RAB40C: variants seen among roughly 807,000 people sequenced by gnomAD.
RAB40C encodes the protein RAB40C, member RAS oncogene family, also known as ras-related protein Rab-40C.
RAB40C carries 8 observed loss-of-function variants against 28.1 expected under a neutral mutation model. The ratio of observed to expected loss-of-function variants is 0.28; its 90% CI spans 0.17 to 0.51. The LOEUF (loss-of-function observed/expected upper bound fraction) is 0.51, where lower values mean the gene tolerates loss of function less well. RAB40C is among the 20% of genes least tolerant of loss of function. The probability of loss-of-function intolerance (pLI) is 0.97; values close to 1 mark genes in which losing one functional copy is unlikely to be tolerated. For synonymous variants in RAB40C, 201 were observed against 171.7 expected, an observed-to-expected ratio of 1.17 and a Z score of -1.34; for missense variants, 288 against 405.9, an observed-to-expected ratio of 0.71 and a Z score of 2.50.
intron 1 of RAB40C, among the ~76,000 whole-genome samples, chr16:597,828 C>T (rs868126391): frequency 1.4e-5 from 2 of 146,796 alleles, no homozygotes; most frequent in Non-Finnish European, 3.0e-5. Context: ...GGGCTGGGCA[C>T]GGTGGCTCAC....
At chr16:622,477 G>A (rs766357084) in intron 3 of RAB40C, among the ~76,000 whole-genome samples, 14 of 152,194 alleles carry the variant, frequency 9.2e-5, no homozygotes, top group African/African-American at 2.4e-5. Flanking sequence ...GCGAGCGCGC[G>A]TCCTGACTCA....
intron 3 of RAB40C, chr16:625,095 C>T: frequency 2.3e-6 from 3 of 1,311,418 alleles, no homozygotes; most frequent in Non-Finnish European, 3.0e-6. Flanking sequence ...GGACACTTAG[C>T]TTCCACAGCT....
intron 3 of RAB40C, among the ~76,000 whole-genome samples, chr16:621,355 GAC>G (rs1162227841): frequency 1.3e-5 from 2 of 152,376 alleles, no homozygotes; most frequent in South Asian, 2.1e-4. Flanking sequence ...CCCCTGATGA[GAC>G]ACAGACTAGC....
chr16:599,392 C>G (rs535786875), intron 1 of RAB40C, among the ~76,000 whole-genome samples: 1 of 152,362 alleles, frequency 6.6e-6, no homozygotes, highest in South Asian at 2.1e-4. Flanking sequence ...CTGAGAGGAG[C>G]CGCCAGGTCA....
At chr16:603,545 G>A (rs865857225) in intron 1 of RAB40C, among the ~76,000 whole-genome samples, 23 of 152,116 alleles carry the variant, frequency 1.5e-4, no homozygotes, top group African/African-American at 4.6e-4. Flanking sequence ...AGGGTAATCC[G>A]GTCCCCTAAT....
intron 3 of RAB40C, chr16:624,756 C>G (rs2036791705): frequency 1.0e-6 from 1 of 985,292 alleles, no homozygotes. Context: ...GGGGAATGGG[C>G]CTGTGATGTC....
intron 1 of RAB40C, among the ~76,000 whole-genome samples, chr16:601,115 G>A (rs2384975): frequency 3.9e-5 from 6 of 151,922 alleles, no homozygotes; most frequent in African/African-American, 1.5e-4. Flanking sequence ...TCAGTAAATG[G>A]GCCTGCTGCT....
chr16:600,624 A>G (rs940619462), intron 1 of RAB40C, among the ~76,000 whole-genome samples: 14 of 152,166 alleles, frequency 9.2e-5, no homozygotes, highest in African/African-American at 3.1e-4. Flanking sequence ...GGTGGCATGC[A>G]CCTGTATTCC....
At position 607,068 on chromosome 16, in the gene RAB40C, C is replaced by T. The variant is rs547393467; in HGVS notation, c.143-10140C>T. On this transcript the variant is annotated intron_variant, in intron 1 of 5. Transcript: ENST00000248139. ...TCCCACTTCCGAGCCGAGGGTGCTACGCAGGCTCAGCAGCCAGCCTCCCTC... is the reference window on the plus strand; with the variant it reads ...TCCCACTTCCGAGCCGAGGGTGCTATGCAGGCTCAGCAGCCAGCCTCCCTC... Among the ~76,000 whole-genome samples the T allele has an allele frequency of 1.6e-4, 24 of 152,332 alleles. No individual in the cohort carries two copies. The South Asian group carries it at 3.3e-3, about 21-fold the overall frequency.
At chr16:623,198 C>G (rs1030858518) in intron 3 of RAB40C, among the ~76,000 whole-genome samples, 2 of 152,246 alleles carry the variant, frequency 1.3e-5, no homozygotes, top group South Asian at 2.1e-4. Context: ...GCCTTCTGCT[C>G]TCTTTCTAGA....
chr16:615,371 G>C (rs2036565858), intron 1 of RAB40C, among the ~76,000 whole-genome samples: 1 of 152,206 alleles, frequency 6.6e-6, no homozygotes, highest in South Asian at 2.1e-4. Context: ...GATGTGCACA[G>C]ACACACACAC....
intron 4 of RAB40C, 51 bp from the exon 5 acceptor site, chr16:625,848 G>T: frequency 6.6e-7 from 1 of 1,514,688 alleles, no homozygotes; most frequent in Non-Finnish European, 9.0e-7. Flanking sequence ...CTGCGGCTGA[G>T]GGGTGGGTGG....
At chr16:614,165 G>A (rs1419229997) in intron 1 of RAB40C, among the ~76,000 whole-genome samples, 1 of 143,270 alleles carries the variant, frequency 7.0e-6, no homozygotes, top group African/African-American at 2.6e-5. Flanking sequence ...ACCGCATCCC[G>A]ATGGTGAACT....
chr16:609,770 G>A lies in RAB40C; in HGVS notation c.143-7438G>A, dbSNP rs547243538. On this transcript the variant is annotated intron_variant, in intron 1 of 5. Coordinates refer to ENST00000248139, the MANE Select transcript of RAB40C (RefSeq NM_021168.5). ...AAAAGAAAGTTGAGGACATCTCCCA[G>A]AAAATAGAACAAAAAGAGATTAAAA... Among the ~76,000 whole-genome samples the A allele has an allele frequency of 1.4e-4, 21 of 152,302 alleles. No homozygotes were observed. The Middle Eastern group carries it at 0.02, about 148-fold the overall frequency.
chr16:627,000 T>A (rs57362118), intron 5 of RAB40C, among the ~76,000 whole-genome samples: 2,126 of 152,144 alleles, frequency 0.014, 69 homozygotes, highest in African/African-American at 0.049. Context: ...GCTCCCCCGC[T>A]CTAGGGGATG....
chr16:598,105 C>G (rs902817882), intron 1 of RAB40C, among the ~76,000 whole-genome samples: 1 of 151,346 alleles, frequency 6.6e-6, no homozygotes, highest in African/African-American at 2.4e-5. Context: ...ATTGGCCAGG[C>G]ATGGTGGCTC....
At chr16:594,933 T>C (rs2036081445) in intron 1 of RAB40C, among the ~76,000 whole-genome samples, 1 of 151,776 alleles carries the variant, frequency 6.6e-6, no homozygotes, top group Non-Finnish European at 1.5e-5. Context: ...GATTCTCCTG[T>C]CTCAGCCTCC....
At chr16:591,563 A>T (rs960739783) in intron 1 of RAB40C, among the ~76,000 whole-genome samples, 1 of 150,960 alleles carries the variant, frequency 6.6e-6, no homozygotes, top group Non-Finnish European at 1.5e-5. Context: ...GTTACTGAAC[A>T]TTTGTTTTGT....
intron 1 of RAB40C, among the ~76,000 whole-genome samples, chr16:609,378 C>G (rs2036434419): frequency 6.6e-6 from 1 of 152,078 alleles, no homozygotes; most frequent in African/African-American, 2.4e-5. Flanking sequence ...CCTGAGCAAG[C>G]CCCTCCTTGC....
Sources: allele counts gnomAD v4.1 joint callset (sites outside exome capture counted in the v4.1 genomes callset), GRCh38; gene constraint gnomAD v4.1.1; transcripts MANE v1.5; gene names NCBI Gene and HGNC (gene_info 2026-07-23, HGNC 2026-07-21).